The following CERKL variants were observed in gnomAD, a reference collection of about 807,000 sequenced individuals.
CERKL encodes the protein ceramide kinase-like protein.
In CERKL, 61 loss-of-function variants were observed where a neutral mutation model predicts 63.4. That is an observed-to-expected ratio of 0.96 (90% CI 0.78 to 1.19). The LOEUF (loss-of-function observed/expected upper bound fraction) is 1.19, where lower values mean the gene tolerates loss of function less well. CERKL is among the 50% of genes most tolerant of loss of function. CERKL has a pLI of 0.00. For missense variants in CERKL, 675 were observed against 655.5 expected (o/e 1.03, Z -0.33); for synonymous variants, 250 against 230.5 (o/e 1.08, Z -0.77).
chr2:181,653,216 T>C (rs1225655428), intron 1 of CERKL, among the ~76,000 whole-genome samples: 1 of 152,152 alleles, frequency 6.6e-6, no homozygotes, highest in African/African-American at 2.4e-5. Flanking sequence ...TAGATACACC[T>C]CACTCCAGTT....
intron 1 of CERKL, among the ~76,000 whole-genome samples, chr2:181,617,776 TTTTCAGA>T (rs1351351022): frequency 6.6e-5 from 10 of 152,318 alleles, no homozygotes; most frequent in African/African-American, 2.4e-4. Flanking sequence ...AATAGATATG[TTTTCAGA>T]TTTCAAATTA....
chr2:181,635,138 G>T (rs530121689), intron 1 of CERKL, among the ~76,000 whole-genome samples: 1 of 152,230 alleles, frequency 6.6e-6, no homozygotes, highest in South Asian at 2.1e-4. Context: ...AGTCTGGCAT[G>T]TACCTACAAA....
rs530552808 is a variant in CERKL, at chr2:181,582,534, TATG to T, written c.482-8653_482-8651del. Among the ~76,000 whole-genome samples the T allele has an allele frequency of 3.0e-4, 44 of 145,226 alleles. 2 individuals carry two copies. The highest frequency in any genetic ancestry group is 1.3e-3 in the South Asian group (6 of 4,724). Reference sequence around the variant, plus strand: ...TTGTCAACATATATATATATATATATATGTTTTTTTTTTTTGAGATGGAGTCTC... The same window carrying T: ...TTGTCAACATATATATATATATATATTTTTTTTTTTTTGAGATGGAGTCTC... On this transcript the variant is annotated intron_variant, in intron 2 of 12. Transcript: ENST00000410087.
intron 3 of CERKL, among the ~76,000 whole-genome samples, chr2:181,568,685 T>TTA (rs1553515715): frequency 1.4e-5 from 2 of 144,772 alleles, no homozygotes; most frequent in Non-Finnish European, 3.1e-5. Flanking sequence ...TTTTTTTTTT[T>TTA]AATTTTTTTT....
intron 1 of CERKL, among the ~76,000 whole-genome samples, chr2:181,640,397 G>T (rs895377717): frequency 6.6e-6 from 1 of 152,278 alleles, no homozygotes; most frequent in South Asian, 2.1e-4. Flanking sequence ...CATTGGCATA[G>T]TGCTTCTAAA....
chr2:181,547,818 T>C lies in CERKL; in HGVS notation c.1159+4A>G. 1 of 1,613,978 alleles carries C rather than the reference T, an allele frequency of 6.2e-7. No homozygotes were observed. Among genetic ancestry groups the C allele is most frequent in the Non-Finnish European group, 8.5e-7 (1 of 1,179,984 alleles). ...AGTTCTCAAGGAGATACTTTTCGAC[T>C]CACCAGATTTGGGAGATCCCTGTGC... is the stretch of plus-strand genomic sequence containing the variant. On this transcript the variant is annotated splice_donor_region_variant and intron_variant, in intron 9 of 12. Coordinates refer to ENST00000410087, the MANE Select transcript of CERKL (RefSeq NM_201548.5).
At chr2:181,656,153 T>C (rs1483004954) in intron 1 of CERKL, among the ~76,000 whole-genome samples, 1 of 152,094 alleles carries the variant, frequency 6.6e-6, no homozygotes, top group Non-Finnish European at 1.5e-5. Context: ...TGTGATCCAA[T>C]AATCTAGGGT....
intron 1 of CERKL, among the ~76,000 whole-genome samples, chr2:181,645,807 G>A (rs1232785406): frequency 6.6e-6 from 1 of 152,166 alleles, no homozygotes; most frequent in African/African-American, 2.4e-5. Flanking sequence ...TTCTTCTCAA[G>A]TTACTCTAAT....
intron 1 of CERKL, among the ~76,000 whole-genome samples, chr2:181,614,401 A>G (rs2105909264): frequency 6.6e-6 from 1 of 152,342 alleles, no homozygotes; most frequent in Middle Eastern, 3.4e-3. Flanking sequence ...AACCATACTG[A>G]GAGAAAAAAC....
intron 1 of CERKL, among the ~76,000 whole-genome samples, chr2:181,637,282 C>A (rs1687220770): frequency 6.6e-6 from 1 of 152,036 alleles, no homozygotes. Context: ...AATCTCACTT[C>A]TAGGCATCTA....
intron 4 of CERKL, among the ~76,000 whole-genome samples, chr2:181,564,557 A>G (rs1688583093): frequency 6.6e-6 from 1 of 152,210 alleles, no homozygotes; most frequent in Non-Finnish European, 1.5e-5. Context: ...ACTACACTTC[A>G]GCAATCGTCT....
intron 2 of CERKL, among the ~76,000 whole-genome samples, chr2:181,597,356 T>C (rs16867453): frequency 0.14 from 20,977 of 152,190 alleles, 1,654 homozygotes; most frequent in East Asian, 0.26. Context: ...TAATACAAAC[T>C]AGTTTTTTTC....
At chr2:181,599,445 G>A (rs551616645) in intron 2 of CERKL, among the ~76,000 whole-genome samples, 1 of 151,960 alleles carries the variant, frequency 6.6e-6, no homozygotes, top group Admixed American at 6.6e-5. Flanking sequence ...GGTGAGGCAG[G>A]AGAATCGCTT....
intron 2 of CERKL, among the ~76,000 whole-genome samples, chr2:181,596,790 A>G (rs1389801982): frequency 6.6e-6 from 1 of 152,174 alleles, no homozygotes; most frequent in Non-Finnish European, 1.5e-5. Flanking sequence ...CTGGCAACAC[A>G]TTAGAATCCC....
At chr2:181,586,180 C>G (rs553636012) in intron 2 of CERKL, among the ~76,000 whole-genome samples, 6 of 152,066 alleles carry the variant, frequency 3.9e-5, no homozygotes, top group Non-Finnish European at 7.4e-5. Context: ...AAAAAGGGAA[C>G]AGCTTAATTT....
chr2:181,570,653 C>CA (rs1363890032), intron 3 of CERKL, among the ~76,000 whole-genome samples: 1 of 152,040 alleles, frequency 6.6e-6, no homozygotes, highest in Non-Finnish European at 1.5e-5. Flanking sequence ...ACAAATATTT[C>CA]AAAAGATGCT....
chr2:181,601,128 C>A (rs1420720831), intron 2 of CERKL, among the ~76,000 whole-genome samples: 1 of 152,002 alleles, frequency 6.6e-6, no homozygotes, highest in African/African-American at 2.4e-5. Context: ...ATGCATAAAT[C>A]AAAAAAATTG....
At chr2:181,574,490 T>C (rs142033823) in intron 2 of CERKL, among the ~76,000 whole-genome samples, 1 of 152,130 alleles carries the variant, frequency 6.6e-6, no homozygotes, top group African/African-American at 2.4e-5. Flanking sequence ...CTTTTGGGAA[T>C]TGGGAAAGCA....
intron 2 of CERKL, among the ~76,000 whole-genome samples, chr2:181,592,188 T>A (rs1241829946): frequency 6.6e-6 from 1 of 152,166 alleles, no homozygotes; most frequent in East Asian, 1.9e-4. Flanking sequence ...GAAATCTGAA[T>A]CATCTTTCTC....
Sources: allele counts gnomAD v4.1 joint callset (sites outside exome capture counted in the v4.1 genomes callset), GRCh38; gene constraint gnomAD v4.1.1; transcripts MANE v1.5; gene names NCBI Gene and HGNC (gene_info 2026-07-23, HGNC 2026-07-21).